Variants in PRDM16 observed in about 807,000 individuals in gnomAD.
PRDM16 encodes PR/SET domain 16, also known as histone-lysine N-methyltransferase PRDM16.
In PRDM16, 23 loss-of-function variants were observed where a neutral mutation model predicts 110.6. That is an observed-to-expected ratio of 0.21 (90% CI 0.15 to 0.29). The LOEUF is 0.29. Ranked by LOEUF, PRDM16 falls within the 10% of genes least tolerant of loss-of-function variation. The probability of loss-of-function intolerance (pLI) is 1.00; values close to 1 mark genes in which losing one functional copy is unlikely to be tolerated. For missense variants in PRDM16, 1,615 were observed against 1,794.3 expected (o/e 0.90, Z 1.81); for synonymous variants, 799 against 781.8 (o/e 1.02, Z -0.37).
At chr1:3,107,226 C>T (rs1642678842) in intron 1 of PRDM16, among the ~76,000 whole-genome samples, 1 of 152,220 alleles carries the variant, frequency 6.6e-6, no homozygotes, top group Non-Finnish European at 1.5e-5. Flanking sequence ...CCTCACCCTG[C>T]CTATGTCCCC....
chr1:3,411,906 C>G lies in PRDM16; in HGVS notation c.1709C>G (p.Thr570Arg). 1.2e-6 allele frequency: 2 copies of G among 1,613,620 alleles called. No homozygotes were observed. The highest frequency in any genetic ancestry group is 1.7e-6 in the Non-Finnish European group (2 of 1,179,824). The change falls in exon 9 of 17, where the codon ACG becomes AGG. Residue 570 changes from threonine (T) to arginine (R), a missense_variant. Transcript: ENST00000270722. ...GTCAGCAACAGCAGCCAGGGCACGA[C>G]GGCAGCTGCGGGGCCCGAGGAGAAG... is the stretch of plus-strand genomic sequence containing the variant. ...SAVSNSSQGT[T>R]AAAGPEEKFE...
chr1:3,112,712 G>A (rs1008644021), intron 1 of PRDM16, among the ~76,000 whole-genome samples: 15 of 152,224 alleles, frequency 9.9e-5, no homozygotes, highest in East Asian at 1.9e-4. Context: ...CCCTGCAGCC[G>A]GGCAGCTGCT....
chr1:3,155,443 A>G (rs888814780), intron 1 of PRDM16, among the ~76,000 whole-genome samples: 1 of 152,188 alleles, frequency 6.6e-6, no homozygotes, highest in African/African-American at 2.4e-5. Flanking sequence ...GTATCGCTGT[A>G]CACAGATTTG....
At chr1:3,205,452 AAGG>A (rs963667252) in intron 2 of PRDM16, among the ~76,000 whole-genome samples, 2 of 152,172 alleles carry the variant, frequency 1.3e-5, no homozygotes, top group African/African-American at 4.8e-5. Flanking sequence ...ATGTTATTGG[AAGG>A]AGGAGAGAAA....
At chr1:3,229,706 T>C (rs568593386) in intron 2 of PRDM16, among the ~76,000 whole-genome samples, 1 of 152,136 alleles carries the variant, frequency 6.6e-6, no homozygotes, top group East Asian at 1.9e-4. Flanking sequence ...AGGGAAACCT[T>C]AAGGGTCTCT....
chr1:3,302,755 A>G (rs1641233712), intron 3 of PRDM16, among the ~76,000 whole-genome samples: 1 of 152,236 alleles, frequency 6.6e-6, no homozygotes, highest in Non-Finnish European at 1.5e-5. Context: ...CGTGGAAAAC[A>G]TGGCACTAAG....
rs1357276346 is a variant in PRDM16 at position 3,418,762 on chromosome 1, TG to T, written c.2939+21del. 6.2e-7 allele frequency: 1 copy of T among 1,605,806 alleles called. No individual in the cohort carries two copies. The highest frequency in any genetic ancestry group is 1.7e-5 in the Admixed American group (1 of 59,984). On this transcript the variant is annotated intron_variant, in intron 12 of 16. Coordinates refer to ENST00000270722, the MANE Select transcript of PRDM16 (RefSeq NM_022114.4). ...CCGTACAGGTAGGTGCTGCGTGGGC[TG>T]GGTGTGGGGGCGGGGCCGCCTGCCT...
At position 3,435,390 on chromosome 1, in the gene PRDM16, T is replaced by C; in HGVS notation, c.*1579T>C. 1 of 231,306 alleles carries C rather than the reference T, an allele frequency of 4.3e-6. No homozygotes were observed. Among genetic ancestry groups the C allele is most frequent in the Non-Finnish European group, 8.6e-6 (1 of 116,914 alleles). The allele number at this position is 231,306 out of a possible 1,614,324, so 14.3% of individuals were successfully genotyped here. A position where few individuals can be genotyped will look rare whatever the true frequency, so the allele number is the denominator to read the frequency against. On this transcript the variant is annotated 3_prime_UTR_variant, in exon 17 of 17. Coordinates refer to ENST00000270722, the MANE Select transcript of PRDM16 (RefSeq NM_022114.4). ...GTGTGTCGTGTGGGAGTGGGGCGATTTTTTATGTGCCAAATACCCCCGTCC... is the reference window on the plus strand; with the variant it reads ...GTGTGTCGTGTGGGAGTGGGGCGATCTTTTATGTGCCAAATACCCCCGTCC...
At chr1:3,405,037 G>T in intron 7 of PRDM16, 151 bp downstream of exon 7, 1 of 777,118 alleles carries the variant, frequency 1.3e-6, no homozygotes, top group Non-Finnish European at 2.0e-6. Context: ...GGGCCCTTCC[G>T]TGTGACTAGG....
rs1642011717 is a variant in PRDM16, at chr1:3,080,972, A to C, written c.37+11676A>C. ...GGGTGGCGGGGCGGGGGGGGTCTGCACATTCCGCCGAGTGTCCTCATGAAC... is the reference window on the plus strand; with the variant it reads ...GGGTGGCGGGGCGGGGGGGGTCTGCCCATTCCGCCGAGTGTCCTCATGAAC... On this transcript the variant is annotated intron_variant, in intron 1 of 16. Transcript: ENST00000270722. The surrounding 1 kb of genome is among the most constrained non-coding windows in gnomAD (Gnocchi z 5.2). Among the ~76,000 whole-genome samples the C allele has an allele frequency of 6.6e-6, 1 of 151,930 alleles. No homozygotes were observed.
intron 2 of PRDM16, among the ~76,000 whole-genome samples, chr1:3,236,033 T>C (rs1639532190): frequency 6.6e-6 from 1 of 152,086 alleles, no homozygotes; most frequent in Non-Finnish European, 1.5e-5. Context: ...CTCTCCTCTC[T>C]GGAAAGGGAT....
chr1:3,221,174 C>T (rs1034481437), intron 2 of PRDM16, among the ~76,000 whole-genome samples: 1 of 152,122 alleles, frequency 6.6e-6, no homozygotes, highest in African/African-American at 2.4e-5. Context: ...CCTCAGCATT[C>T]GGTCTCTGGC....
chr1:3,141,130 A>C (rs1371875665), intron 1 of PRDM16, among the ~76,000 whole-genome samples: 2 of 152,168 alleles, frequency 1.3e-5, no homozygotes, highest in Non-Finnish European at 2.9e-5. Flanking sequence ...TAAATAATAG[A>C]AAATGTTTTT....
At chr1:3,356,134 C>T (rs563231517) in intron 3 of PRDM16, among the ~76,000 whole-genome samples, 4 of 152,338 alleles carry the variant, frequency 2.6e-5, no homozygotes, top group South Asian at 4.1e-4. Context: ...CCCACGAGGG[C>T]GTTAGCAGAA....
intron 1 of PRDM16, among the ~76,000 whole-genome samples, chr1:3,116,423 C>G (rs565786830): frequency 6.6e-6 from 1 of 152,276 alleles, no homozygotes; most frequent in Admixed American, 6.5e-5. Flanking sequence ...CCTCCCTGCT[C>G]CCTTCCTGTG....
In PRDM16 at chr1:3,438,086, G is replaced by A. The variant is rs1237960331; in HGVS notation, c.*4275G>A. 2 of 201,342 alleles carry A rather than the reference G, an allele frequency of 9.9e-6. No homozygotes were observed. The highest frequency in any genetic ancestry group is 4.6e-5 in the African/African-American group (2 of 43,488). The allele number at this position is 201,342 out of a possible 1,614,324, so 12.5% of individuals were successfully genotyped here. ...TATAGTATTGAAAAAGAAATCAAAT[G>A]TAAATGTCTGGTTTTCATATAATGT... On this transcript the variant is annotated 3_prime_UTR_variant, in exon 17 of 17. Coordinates refer to ENST00000270722, the MANE Select transcript of PRDM16 (RefSeq NM_022114.4).
At chr1:3,089,750 C>T (rs1359216973) in intron 1 of PRDM16, among the ~76,000 whole-genome samples, 1 of 152,210 alleles carries the variant, frequency 6.6e-6, no homozygotes, top group Non-Finnish European at 1.5e-5. Context: ...TGATCCAGGA[C>T]TTGCATCCCG....
Position 3,425,868 on chromosome 1 carries a change from C to A in PRDM16, c.3109+118C>A. 1 of 1,348,562 alleles carries A rather than the reference C, an allele frequency of 7.4e-7. No homozygotes were observed. The highest frequency in any genetic ancestry group is 1.0e-6 in the Non-Finnish European group (1 of 981,960). 83.5% of individuals were successfully genotyped at this position (1,348,562 alleles called of 1,614,324 possible). A position where few individuals can be genotyped will look rare whatever the true frequency, so the allele number is the denominator to read the frequency against. On this transcript the variant is annotated intron_variant, in intron 13 of 16. Coordinates refer to ENST00000270722, the MANE Select transcript of PRDM16 (RefSeq NM_022114.4). This position sits in a 1 kb window ranked among gnomAD's most constrained non-coding sequence, Gnocchi z 6.9. ...CAGGGAAGAGGGCCACAGACTACCC[C>A]TCAGGAAGCCAACAGGCACCCCTCA...
At position 3,390,832 on chromosome 1, in the gene PRDM16, GTGT is replaced by G. The variant is rs1174623410; in HGVS notation, c.573+5548_573+5550del. ...TCCCTTTGCTTTTATCTCTCACAGT[GTGT>G]TTTTTTTTTTTTTTTTTTAGACAGA... On this transcript the variant is annotated intron_variant, in intron 4 of 16. Transcript: ENST00000270722. The surrounding 1 kb of genome is among the most constrained non-coding windows in gnomAD (Gnocchi z 5.0). Among the ~76,000 whole-genome samples, 8 of 122,988 alleles carry G rather than the reference GTGT, an allele frequency of 6.5e-5. No individual in the cohort carries two copies. The highest frequency in any genetic ancestry group is 2.4e-4 in the East Asian group (1 of 4,168). 80.7% of individuals were successfully genotyped at this position (122,988 alleles called of 152,430 possible). A position where few individuals can be genotyped will look rare whatever the true frequency, so the allele number is the denominator to read the frequency against.
Sources: gnomAD v4.1 joint callset for allele counts (sites outside exome capture counted in the v4.1 genomes callset) on GRCh38, gnomAD v4.1.1 for gene constraint, Gnocchi (gnomAD v3.1) non-coding constraint, MANE v1.5 for transcripts, NCBI Gene and HGNC (gene_info 2026-07-23, HGNC 2026-07-21) for gene names.